Variants in GTF3C1 observed in about 807,000 individuals in gnomAD.
The protein encoded by GTF3C1 is general transcription factor IIIC subunit 1.
GTF3C1 carries 57 observed loss-of-function variants against 226.7 expected under a neutral mutation model. The observed-to-expected ratio is 0.25, with a 90% CI of 0.20 to 0.31. The LOEUF (loss-of-function observed/expected upper bound fraction) is 0.31, where lower values mean the gene tolerates loss of function less well. Among genes scored for constraint, GTF3C1 ranks in the 10% least tolerant of loss-of-function variants. GTF3C1 has a pLI of 1.00. For synonymous variants in GTF3C1, 1,090 were observed against 1,084.8 expected (o/e 1.00, Z -0.09); for missense variants, 2,217 against 2,776.1 (o/e 0.80, Z 4.53).
intron 20 of GTF3C1, 54 bp from the exon 21 acceptor site, chr16:27,489,232 G>A (rs932224256): frequency 1.1e-5 from 17 of 1,594,334 alleles, no homozygotes; most frequent in African/African-American, 2.7e-5. Context: ...CACCGAAAAA[G>A]AGAGCCCATG....
rs2087688283 is a variant in GTF3C1, at chr16:27,460,655, C to G, written c.*695G>C. ...TAATCAAAAAATAAATAAGTACACT[C>G]CACAGGGACTTTTTTTTTTTAATGA... On this transcript the variant is annotated 3_prime_UTR_variant, in exon 37 of 37. Transcript: ENST00000356183. The G allele has an allele frequency of 6.6e-6, 1 of 152,116 alleles. No homozygotes were observed. Among genetic ancestry groups the G allele is most frequent in the Non-Finnish European group, 1.5e-5 (1 of 68,012 alleles). The allele number at this position is 152,116 out of a possible 1,614,324, so 9.4% of individuals were successfully genotyped here. A position where few individuals can be genotyped will look rare whatever the true frequency, so the allele number is the denominator to read the frequency against.
Position 27,465,531 on chromosome 16 carries a change from AGAG to A in GTF3C1, c.5081_5083del (p.Pro1694del), listed in dbSNP as rs1465270743. 3.1e-6 allele frequency: 5 copies of A among 1,598,302 alleles called. No individual in the cohort carries two copies. Among genetic ancestry groups the A allele is most frequent in the South Asian group, 1.1e-5 (1 of 90,910 alleles). On this transcript the variant is annotated inframe_deletion, in exon 33 of 37. Coordinates refer to ENST00000356183, the MANE Select transcript of GTF3C1 (RefSeq NM_001520.4). The stretch of plus-strand genomic sequence containing the variant: ...GGAGGTTCCCATTGTTAGCTCTTCC[AGAG>A]GAGCGGCTGTGGGGACACAGAGGAA...
intron 25 of GTF3C1, chr16:27,483,569 G>A (rs2088089719): frequency 2.3e-6 from 1 of 433,738 alleles, no homozygotes; most frequent in Non-Finnish European, 4.7e-6. Flanking sequence ...AGGAGAGCCT[G>A]ACTTGCCCAA....
In GTF3C1 at chr16:27,493,287, G is replaced by A. The variant is rs754770173; in HGVS notation, c.2788C>T (p.Leu930=). The A allele has an allele frequency of 1.9e-6, 3 of 1,593,314 alleles. No homozygotes were observed. Among genetic ancestry groups the A allele is most frequent in the Non-Finnish European group, 2.6e-6 (3 of 1,161,032 alleles). Residue 930 remains leucine, a synonymous_variant, in exon 17 of 37, where the codon CTG becomes TTG. Transcript: ENST00000356183. The part of the protein sequence containing the change: ...IVQVSYKVDN[L]EEFLNDPLKK... Reference sequence around the variant, plus strand: ...AGCGGGTCGTTCAGAAATTCCTCCAGGTTGTCCACCTGAAGAGGTGATGTG... The same window carrying A: ...AGCGGGTCGTTCAGAAATTCCTCCAAGTTGTCCACCTGAAGAGGTGATGTG...
At chr16:27,549,392 G>T (rs2141477876) in intron 1 of GTF3C1, among the ~76,000 whole-genome samples, 1 of 152,216 alleles carries the variant, frequency 6.6e-6, no homozygotes, top group South Asian at 2.1e-4. Flanking sequence ...TAAGCCTGAA[G>T]AATATCCCCA....
At chr16:27,481,466 C>G (rs1596622122) in intron 26 of GTF3C1, among the ~76,000 whole-genome samples, 1 of 152,088 alleles carries the variant, frequency 6.6e-6, no homozygotes, top group Non-Finnish European at 1.5e-5. Context: ...ATCGCTGGCA[C>G]TCTCCCAAGC....
At position 27,545,399 on chromosome 16, in the gene GTF3C1, A is replaced by C. The variant is rs972391701; in HGVS notation, c.346T>G (p.Tyr116Asp). 1 of 1,613,494 alleles carries C rather than the reference A, an allele frequency of 6.2e-7. No homozygotes were observed. The highest frequency in any genetic ancestry group is 8.5e-7 in the Non-Finnish European group (1 of 1,179,506). The change falls in exon 2 of 37, where the codon TAC becomes GAC. Residue 116 changes from tyrosine to aspartate, a missense_variant. Around this residue, in one of 12 missense-constraint regions of GTF3C1, gnomAD observed 192 missense variants for 251.8 expected, o/e 0.76. Coordinates refer to ENST00000356183, the MANE Select transcript of GTF3C1 (RefSeq NM_001520.4). Reference sequence around the variant, plus strand: ...GTAATGTTTTTCCTCTCCTTAAAGTAGCGGCATGAGCCCTGGATGCCATCC... The same window carrying C: ...GTAATGTTTTTCCTCTCCTTAAAGTCGCGGCATGAGCCCTGGATGCCATCC... The part of the protein sequence containing the change: ...NKDGIQGSCR[Y>D]FKERKNITND...
intron 28 of GTF3C1, among the ~76,000 whole-genome samples, chr16:27,476,826 T>C (rs899769084): frequency 6.6e-6 from 1 of 152,202 alleles, no homozygotes; most frequent in African/African-American, 2.4e-5. Context: ...TTCCCTCTAA[T>C]TCTAAACGAG....
chr16:27,461,163 G>C lies in GTF3C1; in HGVS notation c.*187C>G, dbSNP rs2087696944. On this transcript the variant is annotated 3_prime_UTR_variant, in exon 37 of 37. Transcript: ENST00000356183. This position sits in a 1 kb window ranked among gnomAD's most constrained non-coding sequence, Gnocchi z 5.3. ...GAGCCTGGGGGATGGGCAGGTCGGG[G>C]AGCCCCTCTTTCCAGAGTTCCAGTA... The C allele has an allele frequency of 3.6e-6, 2 of 551,346 alleles. No homozygotes were observed. Among genetic ancestry groups the C allele is most frequent in the Admixed American group, 3.0e-5 (1 of 32,936 alleles). 34.2% of individuals were successfully genotyped at this position (551,346 alleles called of 1,614,324 possible).
chr16:27,513,120 G>A (rs548974663), intron 6 of GTF3C1, among the ~76,000 whole-genome samples: 14 of 152,276 alleles, frequency 9.2e-5, no homozygotes, highest in African/African-American at 3.1e-4. Context: ...TTTGAGGTAA[G>A]ATTATCCTCG....
chr16:27,497,119 G>A (rs2088331110), intron 14 of GTF3C1, among the ~76,000 whole-genome samples: 1 of 152,340 alleles, frequency 6.6e-6, no homozygotes, highest in Non-Finnish European at 1.5e-5. Flanking sequence ...ACCAGCACAT[G>A]TGCTATGGCC....
intron 14 of GTF3C1, among the ~76,000 whole-genome samples, chr16:27,496,695 T>C (rs750521963): frequency 1.3e-5 from 2 of 152,204 alleles, no homozygotes; most frequent in Non-Finnish European, 2.9e-5. Flanking sequence ...TTAGCCACCA[T>C]ACCCAGCCAT....
At chr16:27,541,276 G>T (rs1437194917) in intron 2 of GTF3C1, among the ~76,000 whole-genome samples, 1 of 152,208 alleles carries the variant, frequency 6.6e-6, no homozygotes, top group Non-Finnish European at 1.5e-5. Flanking sequence ...CGGCTACAAA[G>T]TCTGGAGTGT....
intron 10 of GTF3C1, among the ~76,000 whole-genome samples, chr16:27,504,825 G>A (rs2088459319): frequency 1.3e-5 from 2 of 152,192 alleles, no homozygotes; most frequent in South Asian, 4.1e-4. Context: ...CAGCTACTCA[G>A]GAGGCTGAAG....
At chr16:27,491,459 G>T (rs1199565895) in intron 19 of GTF3C1, among the ~76,000 whole-genome samples, 5 of 152,214 alleles carry the variant, frequency 3.3e-5, no homozygotes, top group African/African-American at 9.6e-5. Flanking sequence ...ACATCATGGG[G>T]ATGGAAGCCA....
intron 10 of GTF3C1, 131 bp from the exon 11 acceptor site, chr16:27,503,126 A>C: frequency 1.6e-6 from 1 of 643,872 alleles, no homozygotes; most frequent in Non-Finnish European, 2.7e-6. Context: ...GAAGCCAAGA[A>C]GCCTGTTCTC....
intron 2 of GTF3C1, among the ~76,000 whole-genome samples, chr16:27,540,337 C>G (rs1005052387): frequency 4.6e-5 from 7 of 152,188 alleles, no homozygotes; most frequent in African/African-American, 1.7e-4. Context: ...ATTTCACAAA[C>G]TTAGGACCTA....
At chr16:27,496,792 A>G (rs1489911518) in intron 14 of GTF3C1, among the ~76,000 whole-genome samples, 3 of 152,166 alleles carry the variant, frequency 2.0e-5, no homozygotes, top group African/African-American at 7.2e-5. Flanking sequence ...TGGCTGTGAG[A>G]GGAGGTAGGC....
In GTF3C1 at chr16:27,549,727, G is replaced by C. The variant is rs767258868; in HGVS notation, c.164C>G (p.Pro55Arg). 6.3e-7 allele frequency: 1 copy of C among 1,584,114 alleles called. No homozygotes were observed. Among genetic ancestry groups the C allele is most frequent in the African/African-American group, 1.4e-5 (1 of 73,614 alleles). Residue 55 changes from proline to arginine, a missense_variant, in exon 1 of 37, where the codon CCG becomes CGG. Pro to Arg is a moderately radical substitution (Grantham distance 103). This residue lies in a region of GTF3C1 where 192 missense variants were observed against 251.8 expected (regional missense o/e 0.76). Transcript: ENST00000356183. ...EFLWRALATHPGISFYEEPRE... is the reference protein window; with the variant it reads ...EFLWRALATHRGISFYEEPRE... ...AGGCTCCTCATAGAAGCTGATGCCCGGGTGCGTGGCGAGGGCCCGCCAGAG... is the reference window on the plus strand; with the variant it reads ...AGGCTCCTCATAGAAGCTGATGCCCCGGTGCGTGGCGAGGGCCCGCCAGAG...
Sources: gnomAD v4.1 joint callset for allele counts (sites outside exome capture counted in the v4.1 genomes callset) on GRCh38, gnomAD v4.1.1 for gene constraint, gnomAD v4.1.1 regional missense constraint, Gnocchi (gnomAD v3.1) non-coding constraint, MANE v1.5 for transcripts, NCBI Gene and HGNC (gene_info 2026-07-23, HGNC 2026-07-21) for gene names.